KCNAB1: variants seen among roughly 807,000 people sequenced by gnomAD.
The protein encoded by KCNAB1 is voltage-gated potassium channel subunit beta-1.
In KCNAB1, 35 loss-of-function variants were observed where a neutral mutation model predicts 64.6. The ratio of observed to expected loss-of-function variants is 0.54; its 90% CI spans 0.41 to 0.72. The LOEUF (loss-of-function observed/expected upper bound fraction) is 0.72. KCNAB1 is among the 30% of genes least tolerant of loss of function. The probability of loss-of-function intolerance (pLI) is 0.00; values close to 1 mark genes in which losing one functional copy is unlikely to be tolerated. For missense variants in KCNAB1, 401 were observed against 512.9 expected (o/e 0.78, Z 2.11); for synonymous variants, 177 against 183.8 (o/e 0.96, Z 0.30).
intron 1 of KCNAB1, among the ~76,000 whole-genome samples, chr3:156,169,648 A>G (rs941877321): frequency 6.6e-6 from 1 of 152,150 alleles, no homozygotes; most frequent in African/African-American, 2.4e-5. Flanking sequence ...AGTGGTTTCT[A>G]ATGGTCAGCA....
intron 1 of KCNAB1, among the ~76,000 whole-genome samples, chr3:156,313,814 C>T (rs1722093586): frequency 6.6e-6 from 1 of 152,230 alleles, no homozygotes; most frequent in Non-Finnish European, 1.5e-5. Flanking sequence ...TACCCGTCAT[C>T]ATGTTAAAGC....
Position 156,228,344 on chromosome 3 carries a change from C to T in KCNAB1, c.275+107458C>T, listed in dbSNP as rs1436388275. 3.9e-5 allele frequency among the ~76,000 whole-genome samples: 6 copies of T among 152,104 alleles called. 1 individual carries two copies. Among genetic ancestry groups the T allele is most frequent in the South Asian group, 2.1e-4 (1 of 4,808 alleles). On this transcript the variant is annotated intron_variant, in intron 1 of 13. Coordinates refer to ENST00000490337, the MANE Select transcript of KCNAB1 (RefSeq NM_172160.3). Reference sequence around the variant, plus strand: ...ATACACTTCTTGTCTGCAGCCCTACCGTGTGCTTTGAACATAGGAGCAGCA... The same window carrying T: ...ATACACTTCTTGTCTGCAGCCCTACTGTGTGCTTTGAACATAGGAGCAGCA...
chr3:156,171,301 A>G (rs1008581873), intron 1 of KCNAB1, among the ~76,000 whole-genome samples: 1 of 152,010 alleles, frequency 6.6e-6, no homozygotes, highest in Non-Finnish European at 1.5e-5. Context: ...GAGTAAGAAT[A>G]GTCTATATTG....
At chr3:156,235,823 C>A (rs1716817215) in intron 1 of KCNAB1, among the ~76,000 whole-genome samples, 1 of 152,144 alleles carries the variant, frequency 6.6e-6, no homozygotes, top group Non-Finnish European at 1.5e-5. Flanking sequence ...GGTTGCTCAT[C>A]AAAAATAGAA....
intron 1 of KCNAB1, among the ~76,000 whole-genome samples, chr3:156,420,666 T>C (rs1715406868): frequency 6.6e-6 from 1 of 152,226 alleles, no homozygotes. Flanking sequence ...TCTACAATGT[T>C]ACAGTTATTT....
chr3:156,357,163 A>G (rs202034588), intron 1 of KCNAB1, among the ~76,000 whole-genome samples: 22,053 of 150,636 alleles, frequency 0.15, 1,764 homozygotes, highest in Middle Eastern at 0.22. Flanking sequence ...GTGCGCGCAC[A>G]CACACACACA....
intron 1 of KCNAB1, among the ~76,000 whole-genome samples, chr3:156,194,572 C>T (rs1205140690): frequency 6.6e-6 from 1 of 151,976 alleles, no homozygotes; most frequent in Non-Finnish European, 1.5e-5. Context: ...AAGTTTCTTA[C>T]TTTTGGAGTT....
At chr3:156,296,932 C>A (rs1576690890) in intron 1 of KCNAB1, among the ~76,000 whole-genome samples, 1 of 152,140 alleles carries the variant, frequency 6.6e-6, no homozygotes, top group East Asian at 1.9e-4. Flanking sequence ...AGCATGATAG[C>A]AAAACCAGGA....
chr3:156,356,440 G>A (rs989968070), intron 1 of KCNAB1, among the ~76,000 whole-genome samples: 10 of 151,758 alleles, frequency 6.6e-5, no homozygotes, highest in African/African-American at 2.2e-4. Context: ...TGACCTCTAC[G>A]GGGGCAGGGA....
intron 1 of KCNAB1, among the ~76,000 whole-genome samples, chr3:156,349,531 AC>A (rs1352659375): frequency 5.3e-5 from 8 of 152,100 alleles, no homozygotes; most frequent in Non-Finnish European, 8.8e-5. Flanking sequence ...TACCATTTCT[AC>A]CAATTCTCCA....
Position 156,508,583 on chromosome 3 carries a change from A to G in KCNAB1, c.659-5781A>G, listed in dbSNP as rs1716969857. Among the ~76,000 whole-genome samples, 1 of 152,192 alleles carries G rather than the reference A, an allele frequency of 6.6e-6. No individual in the cohort carries two copies. Among genetic ancestry groups the G allele is most frequent in the Non-Finnish European group, 1.5e-5 (1 of 68,026 alleles). ...CATTACTGAAACAACTGTCCCCAAAATGTTAGAATCTGGGCCTATTTGAGA... is the reference window on the plus strand; with the variant it reads ...CATTACTGAAACAACTGTCCCCAAAGTGTTAGAATCTGGGCCTATTTGAGA... On this transcript the variant is annotated intron_variant, in intron 8 of 13. Coordinates refer to ENST00000490337, the MANE Select transcript of KCNAB1 (RefSeq NM_172160.3). This position sits in a 1 kb window ranked among gnomAD's most constrained non-coding sequence, Gnocchi z 4.1.
Position 156,143,325 on chromosome 3 carries a change from T to C in KCNAB1, c.275+22439T>C, listed in dbSNP as rs141615018. ...CGGCCTGCAAACCTGTGAGGCCCAG[T>C]GGAGCAGCCGAACAGAAATATGTGG... is the stretch of plus-strand genomic sequence containing the variant. On this transcript the variant is annotated intron_variant, in intron 1 of 13. Transcript: ENST00000490337. 1.1e-4 allele frequency: 184 copies of C among 1,612,822 alleles called. No individual in the cohort carries two copies. The African/African-American group carries it at 2.1e-3, about 19-fold the overall frequency.
chr3:156,140,729 A>G (rs1192429163), intron 1 of KCNAB1, among the ~76,000 whole-genome samples: 1 of 152,214 alleles, frequency 6.6e-6, no homozygotes, highest in Admixed American at 6.5e-5. Flanking sequence ...ATATACAAAA[A>G]TACGGCAGAA....
rs180714732 is a variant in KCNAB1 at position 156,269,318 on chromosome 3, A to G, written c.275+148432A>G. On this transcript the variant is annotated intron_variant, in intron 1 of 13. Coordinates refer to ENST00000490337, the MANE Select transcript of KCNAB1 (RefSeq NM_172160.3). ...GTTTCCAAAATTCCTCTTGTTGTTG[A>G]CTTCTAGCCTTATTCAATTGTGGTC... Among the ~76,000 whole-genome samples, 39 of 152,162 alleles carry G rather than the reference A, an allele frequency of 2.6e-4. No individual in the cohort carries two copies. In the East Asian group the frequency reaches 6.4e-3, roughly 25 times the overall value.
chr3:156,516,385 A>G lies in KCNAB1; in HGVS notation c.960+21A>G, dbSNP rs139712419. On this transcript the variant is annotated intron_variant, in intron 11 of 13. Coordinates refer to ENST00000490337, the MANE Select transcript of KCNAB1 (RefSeq NM_172160.3). ...TGAAGGTATTTTTCTCAATGTCTAGAAAAAAGCCTGGGAGTAGGAAGGAGG... is the reference window on the plus strand; with the variant it reads ...TGAAGGTATTTTTCTCAATGTCTAGGAAAAAGCCTGGGAGTAGGAAGGAGG... 2.9e-4 allele frequency: 449 copies of G among 1,555,844 alleles called. 1 individual carries two copies. The African/African-American group carries it at 5.3e-3, about 18-fold the overall frequency.
intron 1 of KCNAB1, among the ~76,000 whole-genome samples, chr3:156,321,439 G>A (rs1323831499): frequency 6.6e-6 from 1 of 152,154 alleles, no homozygotes; most frequent in Non-Finnish European, 1.5e-5. Context: ...AAAGATGCAC[G>A]AACTCAGAGT....
intron 1 of KCNAB1, among the ~76,000 whole-genome samples, chr3:156,124,538 C>G (rs1713537250): frequency 6.6e-6 from 1 of 151,706 alleles, no homozygotes; most frequent in Non-Finnish European, 1.5e-5. Context: ...TCTAGAAGTG[C>G]AATTAATGGA....
At chr3:156,400,440 C>G (rs1290573412) in intron 1 of KCNAB1, among the ~76,000 whole-genome samples, 1 of 152,204 alleles carries the variant, frequency 6.6e-6, no homozygotes, top group African/African-American at 2.4e-5. Context: ...CTTCCAATCA[C>G]AGCCTCCTCC....
chr3:156,381,372 G>A (rs1712146692), intron 1 of KCNAB1, among the ~76,000 whole-genome samples: 1 of 152,168 alleles, frequency 6.6e-6, no homozygotes, highest in Non-Finnish European at 1.5e-5. Flanking sequence ...GGATACTGAG[G>A]GGATTCTGGT....
Sources: allele counts gnomAD v4.1 joint callset (sites outside exome capture counted in the v4.1 genomes callset), GRCh38; gene constraint gnomAD v4.1.1; non-coding constraint Gnocchi (gnomAD v3.1); transcripts MANE v1.5; gene names NCBI Gene and HGNC (gene_info 2026-07-23, HGNC 2026-07-21).